The following ATP13A4 variants were observed in gnomAD, a reference collection of about 807,000 sequenced individuals.
ATP13A4 encodes probable cation-transporting ATPase 13A4.
In ATP13A4, 114 loss-of-function variants were observed where a neutral mutation model predicts 142.5. The observed-to-expected ratio is 0.80, with a 90% CI of 0.69 to 0.93. The LOEUF (loss-of-function observed/expected upper bound fraction) is 0.93, where lower values mean the gene tolerates loss of function less well. ATP13A4 is among the 40% of genes least tolerant of loss of function. The pLI is 0.00. For synonymous variants in ATP13A4, 488 were observed against 514.8 expected (o/e 0.95, Z 0.70); for missense variants, 1,392 against 1,454.0 (o/e 0.96, Z 0.69).
At chr3:193,536,536 A>G (rs1722600630) in intron 1 of ATP13A4, among the ~76,000 whole-genome samples, 1 of 152,100 alleles carries the variant, frequency 6.6e-6, no homozygotes, top group South Asian at 2.1e-4. Context: ...TTACAGTAAC[A>G]TATGTAATGG....
intron 1 of ATP13A4, among the ~76,000 whole-genome samples, chr3:193,528,458 C>A (rs1560259578): frequency 6.6e-6 from 1 of 152,150 alleles, no homozygotes; most frequent in Non-Finnish European, 1.5e-5. Context: ...TAGAGAATTT[C>A]AAGCCAATGG....
chr3:193,412,662 C>A (rs1300188787), intron 26 of ATP13A4, among the ~76,000 whole-genome samples: 3 of 151,960 alleles, frequency 2.0e-5, no homozygotes, highest in African/African-American at 7.3e-5. Context: ...ATGTATTCAA[C>A]AAATTATGCA....
chr3:193,581,223 T>C (rs188150715), intron 2 of ATP13A4, among the ~76,000 whole-genome samples: 3 of 152,354 alleles, frequency 2.0e-5, no homozygotes, highest in African/African-American at 7.2e-5. Flanking sequence ...GAAAGAATAT[T>C]GTCTCAATTA....
chr3:193,562,979 G>A (rs1724051367), intron 2 of ATP13A4, among the ~76,000 whole-genome samples: 1 of 152,098 alleles, frequency 6.6e-6, no homozygotes, highest in Non-Finnish European at 1.5e-5. Context: ...AAGCTTCAAT[G>A]TTTTCATCTT....
intron 8 of ATP13A4, 84 bp from the exon 9 acceptor site, chr3:193,471,077 G>A: frequency 6.4e-7 from 1 of 1,565,928 alleles, no homozygotes; most frequent in South Asian, 1.1e-5. Flanking sequence ...GGATATCAAT[G>A]AAAAAGCAAC....
chr3:193,540,471 C>T (rs1280618056), intron 1 of ATP13A4, among the ~76,000 whole-genome samples: 1 of 144,726 alleles, frequency 6.9e-6, no homozygotes, highest in African/African-American at 2.6e-5. Context: ...TCAAACTGGC[C>T]TCACAAATGT....
At chr3:193,493,656 A>ATT (rs1248799484) in intron 3 of ATP13A4, among the ~76,000 whole-genome samples, 2 of 152,060 alleles carry the variant, frequency 1.3e-5, no homozygotes, top group Non-Finnish European at 2.9e-5. Flanking sequence ...TTTTAAAGAG[A>ATT]TTGTTCACAA....
In ATP13A4 at chr3:193,402,080, C is replaced by T. The variant is rs1384162092; in HGVS notation, c.*572G>A. The T allele has an allele frequency of 6.5e-6, 1 of 153,854 alleles. No homozygotes were observed. Among genetic ancestry groups the T allele is most frequent in the Non-Finnish European group, 1.4e-5 (1 of 69,146 alleles). The allele number at this position is 153,854 out of a possible 1,614,324, so 9.5% of individuals were successfully genotyped here. A position where few individuals can be genotyped will look rare whatever the true frequency, so the allele number is the denominator to read the frequency against. On this transcript the variant is annotated 3_prime_UTR_variant, in exon 30 of 30. Coordinates refer to ENST00000342695, the MANE Select transcript of ATP13A4 (RefSeq NM_032279.4). ...CACTTGTGTGTTAAGGCACTGATATCTGAGAGTTGTTTTTTATTGCAGCAT... is the reference window on the plus strand; with the variant it reads ...CACTTGTGTGTTAAGGCACTGATATTTGAGAGTTGTTTTTTATTGCAGCAT...
At chr3:193,527,093 T>TA (rs1722046311) in intron 1 of ATP13A4, among the ~76,000 whole-genome samples, 1 of 152,122 alleles carries the variant, frequency 6.6e-6, no homozygotes, top group African/African-American at 2.4e-5. Flanking sequence ...CAACCGCTGG[T>TA]ATAGGAAAAA....
chr3:193,562,876 A>G (rs1263089651), intron 2 of ATP13A4, among the ~76,000 whole-genome samples: 1 of 152,134 alleles, frequency 6.6e-6, no homozygotes, highest in Admixed American at 6.5e-5. Flanking sequence ...TCTCAAATAA[A>G]AATAACAATA....
At chr3:193,495,766 A>C (rs1720189118) in intron 3 of ATP13A4, among the ~76,000 whole-genome samples, 1 of 152,188 alleles carries the variant, frequency 6.6e-6, no homozygotes, top group Admixed American at 6.5e-5. Flanking sequence ...AAGGCATCAA[A>C]ATTGGAAAAG....
chr3:193,485,084 G>A (rs542463383), intron 7 of ATP13A4, among the ~76,000 whole-genome samples: 1 of 152,054 alleles, frequency 6.6e-6, no homozygotes, highest in African/African-American at 2.4e-5. Context: ...AAAAGACTAT[G>A]TTTCAGGAAA....
intron 6 of ATP13A4, among the ~76,000 whole-genome samples, chr3:193,490,349 T>C (rs1719877904): frequency 6.6e-6 from 1 of 152,204 alleles, no homozygotes; most frequent in Non-Finnish European, 1.5e-5. Context: ...AGGTGAAGTA[T>C]TAGTTCAGGT....
At chr3:193,474,322 CAAAAAAAA>C (rs1176133187) in intron 8 of ATP13A4, among the ~76,000 whole-genome samples, 1 of 69,090 alleles carries the variant, frequency 1.4e-5, no homozygotes, top group African/African-American at 5.1e-5. Flanking sequence ...GACTCCGTCT[CAAAAAAAA>C]AAAAAAAAAA....
intron 7 of ATP13A4, among the ~76,000 whole-genome samples, chr3:193,485,924 C>CAAA (rs11384516): frequency 2.3e-5 from 3 of 132,608 alleles, no homozygotes; most frequent in East Asian, 2.1e-4. Flanking sequence ...GCTTATAAGC[C>CAAA]AAAAAAAAAA....
chr3:193,530,184 C>T (rs1197481762), intron 1 of ATP13A4, among the ~76,000 whole-genome samples: 3 of 152,140 alleles, frequency 2.0e-5, no homozygotes. Context: ...CACCCCTATG[C>T]CTTTGTCCAA....
At chr3:193,576,332 T>C (rs59190130) in intron 2 of ATP13A4, among the ~76,000 whole-genome samples, 70,849 of 134,850 alleles carry the variant, frequency 0.53, 18,664 homozygotes, top group African/African-American at 0.65. Flanking sequence ...ACTGCAGTGG[T>C]GCAATCTCGG....
chr3:193,462,710 T>C (rs369736889), intron 13 of ATP13A4, 52 bp downstream of exon 13: 3 of 1,547,770 alleles, frequency 1.9e-6, no homozygotes, highest in Non-Finnish European at 2.7e-6. Flanking sequence ...ACACGGAATT[T>C]TGGAAAAAGA....
chr3:193,495,945 A>G (rs1405844013), intron 3 of ATP13A4, among the ~76,000 whole-genome samples: 1 of 152,194 alleles, frequency 6.6e-6, no homozygotes, highest in Non-Finnish European at 1.5e-5. Context: ...CTGAAAAAGA[A>G]ATCAAGAAGC....
Sources: gnomAD v4.1 joint callset for allele counts (sites outside exome capture counted in the v4.1 genomes callset) on GRCh38, gnomAD v4.1.1 for gene constraint, MANE v1.5 for transcripts, NCBI Gene and HGNC (gene_info 2026-07-23, HGNC 2026-07-21) for gene names.